PARP4: variants seen among roughly 807,000 people sequenced by gnomAD.
The protein encoded by PARP4 is protein mono-ADP-ribosyltransferase PARP4.
In PARP4, 120 loss-of-function variants were observed where a neutral mutation model predicts 187.7. That is an observed-to-expected ratio of 0.64 (90% CI 0.55 to 0.74). PARP4 has a LOEUF of 0.74. PARP4 is among the 30% of genes least tolerant of loss of function. PARP4 has a pLI of 0.00. For synonymous variants in PARP4, 654 were observed against 740.9 expected (o/e 0.88, Z 1.90); for missense variants, 1,836 against 2,070.5 (o/e 0.89, Z 2.20).
At position 24,494,669 on chromosome 13, in the gene PARP4, A is replaced by G. The variant is rs1868845079; in HGVS notation, c.645T>C (p.Phe215=). The change falls in exon 7 of 34, where the codon TTT becomes TTC. Residue 215 remains phenylalanine (F), a synonymous_variant. Coordinates refer to ENST00000381989, the MANE Select transcript of PARP4 (RefSeq NM_006437.4). ...TCTTCAGTTCTTCAATGTAATTTTC[A>G]AAGTATTCACTTGCATCTTCAGAGG... ...KKTSEDASEY[F]ENYIEELKKQ... The G allele has an allele frequency of 4.3e-6, 7 of 1,610,190 alleles. No homozygotes were observed. Among genetic ancestry groups the G allele is most frequent in the Non-Finnish European group, 5.9e-6 (7 of 1,176,910 alleles).
At chr13:24,442,797 T>G (rs1217754849) in intron 28 of PARP4, 112 bp from the exon 29 acceptor site, 24 of 611,480 alleles carry the variant, frequency 3.9e-5, no homozygotes, top group Admixed American at 5.4e-5. Context: ...AGGTCCCATC[T>G]AAATCGGTGG....
At chr13:24,452,079 G>A (rs1471227003) in intron 24 of PARP4, 1 of 209,794 alleles carries the variant, frequency 4.8e-6, no homozygotes, top group Non-Finnish European at 9.4e-6. Flanking sequence ...CTGATTTGGT[G>A]CTTTTGGTTC....
At chr13:24,503,605 A>C in intron 2 of PARP4, 40 bp downstream of exon 2, 1 of 1,608,428 alleles carries the variant, frequency 6.2e-7, no homozygotes, top group Admixed American at 1.7e-5. Context: ...CTGAATGCGC[A>C]ATGTTTTATC....
intron 33 of PARP4, 34 bp from the exon 34 acceptor site, chr13:24,421,348 T>C: frequency 1.1e-6 from 1 of 928,366 alleles, no homozygotes; most frequent in Non-Finnish European, 1.6e-6. Context: ...GATTTCAGAA[T>C]ATAACATGTG....
rs1435919665 is a variant in PARP4 at position 24,435,012 on chromosome 13, T to A, written c.4129A>T (p.Ile1377Phe). ...GTGGGACAAGACGCCGACTGTGGGA[T>A]CCAGTCAGCACAAGTGCCAGGCACA... ...GPVPGTCADW[I>F]PQSASCPTGP... is the part of the protein sequence containing the mutation. Residue 1377 changes from isoleucine (I) to phenylalanine (F), a missense_variant, in exon 31 of 34, where the codon ATC becomes TTC. Around this residue, in one of 8 missense-constraint regions of PARP4, gnomAD observed 450 missense variants for 439.2 expected, o/e 1.02. Transcript: ENST00000381989. 6.2e-7 allele frequency: 1 copy of A among 1,613,848 alleles called. No homozygotes were observed.
At chr13:24,428,783 T>C (rs534143104) in intron 32 of PARP4, among the ~76,000 whole-genome samples, 20 of 152,318 alleles carry the variant, frequency 1.3e-4, no homozygotes, top group African/African-American at 3.8e-4. Flanking sequence ...TATCTTTGGT[T>C]TTCAACAGTT....
intron 14 of PARP4, among the ~76,000 whole-genome samples, chr13:24,476,326 C>A (rs541731470): frequency 7.9e-5 from 12 of 152,214 alleles, no homozygotes; most frequent in African/African-American, 2.9e-4. Flanking sequence ...CATTACTTGA[C>A]ATACATTTAA....
At chr13:24,507,326 T>A (rs1190429675) in intron 1 of PARP4, among the ~76,000 whole-genome samples, 4 of 152,214 alleles carry the variant, frequency 2.6e-5, no homozygotes, top group African/African-American at 9.6e-5. Context: ...CAGCACGCTG[T>A]CACCTTTCAG....
At chr13:24,464,445 T>TA (rs1872356199) in intron 17 of PARP4, among the ~76,000 whole-genome samples, 1 of 151,918 alleles carries the variant, frequency 6.6e-6, no homozygotes, top group Non-Finnish European at 1.5e-5. Context: ...GGTACAAAAA[T>TA]AGACACATAG....
At chr13:24,491,582 A>G (rs945683736) in intron 9 of PARP4, among the ~76,000 whole-genome samples, 1 of 152,212 alleles carries the variant, frequency 6.6e-6, no homozygotes, top group Non-Finnish European at 1.5e-5. Flanking sequence ...TCACATCTAT[A>G]AACTCCTCTG....
rs554065970 is a variant in PARP4 at position 24,430,687 on chromosome 13, G to A, written c.4846+690C>T. Among the ~76,000 whole-genome samples, 17 of 152,138 alleles carry A rather than the reference G, an allele frequency of 1.1e-4. 1 individual carries two copies. In the South Asian group the frequency reaches 3.5e-3, roughly 32 times the overall value. On this transcript the variant is annotated intron_variant, in intron 32 of 33. Coordinates refer to ENST00000381989, the MANE Select transcript of PARP4 (RefSeq NM_006437.4). ...CAAACAAACAACAGCTCCTGTCCTAGGGCTAGCATTTGACCTTCAAACCAC... is the reference window on the plus strand; with the variant it reads ...CAAACAAACAACAGCTCCTGTCCTAAGGCTAGCATTTGACCTTCAAACCAC...
chr13:24,444,855 C>T (rs750271813), intron 27 of PARP4, among the ~76,000 whole-genome samples: 2 of 152,328 alleles, frequency 1.3e-5, no homozygotes, highest in South Asian at 2.1e-4. Context: ...TTCTCTGAGA[C>T]CCCCTTATCT....
chr13:24,492,726 C>A lies in PARP4; in HGVS notation c.880-132G>T, dbSNP rs146714811. 57 of 731,592 alleles carry A rather than the reference C, an allele frequency of 7.8e-5. 2 individuals carry two copies. The African/African-American group carries it at 9.1e-4, about 12-fold the overall frequency. 45.3% of individuals were successfully genotyped at this position (731,592 alleles called of 1,614,324 possible). Reference sequence around the variant, plus strand: ...TTTCTACTGGAGAGCCTTCACAAAGCAAATGCTGATCTTTATTGGAGACGT... The same window carrying A: ...TTTCTACTGGAGAGCCTTCACAAAGAAAATGCTGATCTTTATTGGAGACGT... On this transcript the variant is annotated intron_variant, in intron 8 of 33. Transcript: ENST00000381989.
At chr13:24,454,212 G>C (rs993870780) in intron 22 of PARP4, among the ~76,000 whole-genome samples, 2 of 152,198 alleles carry the variant, frequency 1.3e-5, no homozygotes, top group Non-Finnish European at 2.9e-5. Flanking sequence ...TGCACATGCA[G>C]ATCACTTGTG....
At chr13:24,453,784 CT>C (rs1565998112) in intron 22 of PARP4, 130 bp from the exon 23 acceptor site, 1 of 610,016 alleles carries the variant, frequency 1.6e-6, no homozygotes. Flanking sequence ...GTGTACCTTT[CT>C]TTTTAGAAAA....
At chr13:24,488,358 G>A (rs1379607082) in intron 10 of PARP4, among the ~76,000 whole-genome samples, 2 of 152,072 alleles carry the variant, frequency 1.3e-5, no homozygotes, top group African/African-American at 2.4e-5. Context: ...AGGCCTGTGG[G>A]AATGAATGTT....
chr13:24,500,859 G>A (rs1322701751), intron 3 of PARP4, among the ~76,000 whole-genome samples: 2 of 152,202 alleles, frequency 1.3e-5, no homozygotes, highest in Non-Finnish European at 2.9e-5. Context: ...TCAATGTGAG[G>A]ACTTCTTTCC....
At chr13:24,487,035 G>A (rs907056094) in intron 10 of PARP4, among the ~76,000 whole-genome samples, 15 of 151,090 alleles carry the variant, frequency 9.9e-5, no homozygotes, top group Non-Finnish European at 2.1e-4. Context: ...GCTGTGGTGG[G>A]CGGATCATGA....
intron 22 of PARP4, among the ~76,000 whole-genome samples, chr13:24,454,227 T>C (rs58830646): frequency 0.16 from 23,764 of 152,222 alleles, 2,419 homozygotes; most frequent in African/African-American, 0.28. Flanking sequence ...CTTGTGCAAA[T>C]GTGCAGGGCA....
Sources: gnomAD v4.1 joint callset for allele counts (sites outside exome capture counted in the v4.1 genomes callset) on GRCh38, gnomAD v4.1.1 for gene constraint, gnomAD v4.1.1 regional missense constraint, MANE v1.5 for transcripts, NCBI Gene and HGNC (gene_info 2026-07-23, HGNC 2026-07-21) for gene names.